Variants in RNASEH1 observed in about 807,000 individuals in gnomAD.
The protein encoded by RNASEH1 is ribonuclease H type II.
A neutral mutation model predicts 34.6 loss-of-function variants in RNASEH1; 27 were observed. The ratio of observed to expected loss-of-function variants is 0.78; its 90% confidence interval spans 0.58 to 1.08. RNASEH1 has a LOEUF of 1.08. Among genes scored for constraint, RNASEH1 ranks in the 50% least tolerant of loss-of-function variants. RNASEH1 has a pLI of 0.00. For synonymous variants in RNASEH1, 162 were observed against 138.4 expected (o/e 1.17, Z -1.20); for missense variants, 349 against 373.6 (o/e 0.93, Z 0.54).
downstream of RNASEH1, among the ~76,000 whole-genome samples, chr2:3,536,481 C>T (rs1392141852): frequency 6.6e-6 from 1 of 152,202 alleles, no homozygotes; most frequent in East Asian, 1.9e-4. Flanking sequence ...TCCGTTTGAG[C>T]AAATCCTGCT....
chr2:3,532,604 C>A, the RNASEH1 span, among the ~76,000 whole-genome samples: 1 of 152,166 alleles, frequency 6.6e-6, no homozygotes, highest in South Asian at 2.1e-4. Context: ...GCTCTGAATC[C>A]TGCAGGCAAC....
chr2:3,558,042 C>A, intron 1 of RNASEH1, 91 bp downstream of exon 1: 2 of 1,479,962 alleles, frequency 1.4e-6, no homozygotes, highest in Non-Finnish European at 1.8e-6. Context: ...AGACTCGGAC[C>A]GCCAGGCTCC....
In RNASEH1 at chr2:3,552,258, G is replaced by A; in HGVS notation, c.295C>T (p.Leu99Phe). 2 of 1,614,114 alleles carry A rather than the reference G, an allele frequency of 1.2e-6. No individual in the cohort carries two copies. Among genetic ancestry groups the A allele is most frequent in the South Asian group, 2.2e-5 (2 of 91,076 alleles). Reference protein sequence around the residue: ...QESEAKASKRLREPLDGDGHE... With the variant: ...QESEAKASKRFREPLDGDGHE... ...CCATCTCCATCCAGTGGCTCACGGA[G>A]TCGCTTGCTGGCTTTCGCCTCCGAT... The change falls in exon 3 of 8, where the codon CTC (leucine) becomes TTC (phenylalanine). Residue 99 changes from leucine (L) to phenylalanine (F), a missense_variant. Around this residue, in one of 2 missense-constraint regions of RNASEH1, gnomAD observed 256 missense variants for 240.7 expected, o/e 1.06. Transcript: ENST00000315212.
rs535382976 is a variant in RNASEH1, at chr2:3,552,295, T to C, written c.258A>G (p.Gln86=). The part of the protein sequence containing the change: ...SPEVSEGHEN[Q]HGQESEAKAS... ...CTTTCGCCTCCGATTCTTGTCCATG[T>C]TGATTTTCATGCCCTGAAAGACAAG... is the stretch of plus-strand genomic sequence containing the variant. Residue 86 remains glutamine (Q), a synonymous_variant, in exon 3 of 8, where the codon CAA becomes CAG. Transcript: ENST00000315212. The C allele has an allele frequency of 3.8e-4, 619 of 1,612,886 alleles. 8 individuals carry two copies. The South Asian group carries it at 6.5e-3, about 17-fold the overall frequency.
At chr2:3,550,200 C>T (rs1669157720) in intron 4 of RNASEH1, 173 bp downstream of exon 4, 1 of 505,994 alleles carries the variant, frequency 2.0e-6, no homozygotes, top group Admixed American at 2.9e-5. Flanking sequence ...ACCTCACGTT[C>T]TGAAAAGCAA....
Position 3,558,066 on chromosome 2 carries a change from A to G in RNASEH1, c.128+67T>C, listed in dbSNP as rs1660717680. 6 of 1,506,090 alleles carry G rather than the reference A, an allele frequency of 4.0e-6. No individual in the cohort carries two copies. In the African/African-American group the frequency reaches 7.0e-5, roughly 18 times the overall value. The allele number at this position is 1,506,090 out of a possible 1,614,324, so 93.3% of individuals were successfully genotyped here. ...CCGCCAGGCTCCCGCCGCCGGGGTT[A>G]GCCGGGCTCCGGCCTCCCTCGACCC... is the stretch of plus-strand genomic sequence containing the variant. On this transcript the variant is annotated intron_variant, in intron 1 of 7. Transcript: ENST00000315212.
At chr2:3,536,447 C>T (rs558034559), downstream of RNASEH1, among the ~76,000 whole-genome samples, 2 of 152,348 alleles carry the variant, frequency 1.3e-5, no homozygotes, top group South Asian at 2.1e-4. Flanking sequence ...CAGGCTCTGA[C>T]CTTGGGCTCT....
chr2:3,541,230 G>T (rs1668282054), downstream of RNASEH1, among the ~76,000 whole-genome samples: 1 of 151,794 alleles, frequency 6.6e-6, no homozygotes, highest in Non-Finnish European at 1.5e-5. Context: ...TCGGGAGGCT[G>T]AGGCAGGAGA....
At chr2:3,555,133 C>T (rs1337741879) in intron 2 of RNASEH1, among the ~76,000 whole-genome samples, 2 of 152,200 alleles carry the variant, frequency 1.3e-5, no homozygotes. Flanking sequence ...TCACAATCCC[C>T]TTGGACCCTC....
chr2:3,552,523 CCCCCTCCACACCACCTCCACCCCCT>C (rs1558456650), intron 2 of RNASEH1, among the ~76,000 whole-genome samples: 3 of 105,218 alleles, frequency 2.9e-5, no homozygotes, highest in African/African-American at 8.9e-5. Context: ...ACCACCTCCA[CCCCCTCCACACCACCTCCACCCCCT>C]CCCCTCCACA....
chr2:3,556,105 CAG>C (rs1406458365), intron 2 of RNASEH1, among the ~76,000 whole-genome samples: 2 of 151,820 alleles, frequency 1.3e-5, no homozygotes, highest in Non-Finnish European at 2.9e-5. Flanking sequence ...ACGCAGGAGG[CAG>C]AGACTGCAGT....
downstream of RNASEH1, among the ~76,000 whole-genome samples, chr2:3,540,876 A>G (rs941378135): frequency 6.6e-6 from 1 of 152,138 alleles, no homozygotes; most frequent in African/African-American, 2.4e-5. Context: ...CCCCACCTAA[A>G]AACAGAACTA....
Position 3,543,383 on chromosome 2 carries a change from G to C in RNASEH1, c.*2402C>G, listed in dbSNP as rs1267744721. On this transcript the variant is annotated 3_prime_UTR_variant, in exon 8 of 8. Transcript: ENST00000315212. ...TTTCTTTTAAGACAGGTTTGGAGCA[G>C]AAGCTCTATAAATTGGGCCTAGAGC... 1.3e-5 allele frequency among the ~76,000 whole-genome samples: 2 copies of C among 152,184 alleles called. No homozygotes were observed. The highest frequency in any genetic ancestry group is 2.9e-5 in the Non-Finnish European group (2 of 68,030).
downstream of RNASEH1, among the ~76,000 whole-genome samples, chr2:3,538,352 CAAA>C (rs1309829501): frequency 6.6e-6 from 1 of 150,822 alleles, no homozygotes; most frequent in Non-Finnish European, 1.5e-5. Context: ...AACTCCATCT[CAAA>C]AAAATATATA....
intron 3 of RNASEH1, 82 bp from the exon 4 acceptor site, chr2:3,550,554 A>G: frequency 9.6e-7 from 1 of 1,040,028 alleles, no homozygotes; most frequent in Admixed American, 1.7e-5. Flanking sequence ...AGGTCGACTT[A>G]GCATTTTAAA....
chr2:3,535,811 G>A, the RNASEH1 span, among the ~76,000 whole-genome samples: 1 of 152,312 alleles, frequency 6.6e-6, no homozygotes, highest in South Asian at 2.1e-4. Context: ...GAGAAGGTGC[G>A]AACCCACCAG....
At position 3,542,697 on chromosome 2, in the gene RNASEH1, G is replaced by C. The variant is rs1460725999; in HGVS notation, c.*3088C>G. Among the ~76,000 whole-genome samples the C allele has an allele frequency of 6.6e-6, 1 of 152,180 alleles. No individual in the cohort carries two copies. Among genetic ancestry groups the C allele is most frequent in the Non-Finnish European group, 1.5e-5 (1 of 68,026 alleles). On this transcript the variant is annotated 3_prime_UTR_variant, in exon 8 of 8. Coordinates refer to ENST00000315212, the MANE Select transcript of RNASEH1 (RefSeq NM_002936.6). ...TAAATGCTAAAGAGGAATAAAACAA[G>C]TGAGTGATTAAGGGATGGATATTCC...
chr2:3,548,203 G>A, intron 6 of RNASEH1, 148 bp from the exon 7 acceptor site: 1 of 913,050 alleles, frequency 1.1e-6, no homozygotes, highest in South Asian at 1.5e-5. Flanking sequence ...AGTTGCTTTG[G>A]CCTTTGGCAC....
At chr2:3,533,352 TG>T in the RNASEH1 span, 1 of 152,360 alleles carries the variant, frequency 6.6e-6, no homozygotes, top group Non-Finnish European at 1.5e-5. Flanking sequence ...TGGCGGCCCC[TG>T]ACCTGCAGCA....
Sources: allele counts gnomAD v4.1 joint callset (sites outside exome capture counted in the v4.1 genomes callset), GRCh38; gene constraint gnomAD v4.1.1; regional missense constraint gnomAD v4.1.1; transcripts MANE v1.5; gene names NCBI Gene and HGNC (gene_info 2026-07-23, HGNC 2026-07-21).